The following ALKBH8 variants were observed in gnomAD, a reference collection of about 807,000 sequenced individuals.
ALKBH8 encodes the protein alkB homolog 8, tRNA methyltransferase.
In ALKBH8, 36 loss-of-function variants were observed where a neutral mutation model predicts 59.8. That is an observed-to-expected ratio of 0.60 (90% CI 0.46 to 0.79). The LOEUF (loss-of-function observed/expected upper bound fraction) is 0.79, where lower values mean the gene tolerates loss of function less well. Among genes scored for constraint, ALKBH8 ranks in the 30% least tolerant of loss-of-function variants. The pLI, the probability that ALKBH8 is intolerant of heterozygous loss-of-function variation, is 0.00. For missense variants in ALKBH8, 768 were observed against 801.0 expected, an observed-to-expected ratio of 0.96 and a Z score of 0.50; for synonymous variants, 276 against 273.6, an observed-to-expected ratio of 1.01 and a Z score of -0.09.
intron 3 of ALKBH8, among the ~76,000 whole-genome samples, chr11:107,556,252 TGG>T (rs1864705117): frequency 6.6e-6 from 1 of 151,860 alleles, no homozygotes; most frequent in African/African-American, 2.4e-5. Flanking sequence ...CACTCCAGCC[TGG>T]GCAACAAGAG....
intron 7 of ALKBH8, among the ~76,000 whole-genome samples, chr11:107,540,557 C>T (rs548474339): frequency 9.9e-5 from 15 of 152,266 alleles, no homozygotes; most frequent in Non-Finnish European, 2.1e-4. Context: ...ACTTTAGCCA[C>T]CATTGCACAT....
intron 10 of ALKBH8, among the ~76,000 whole-genome samples, chr11:107,511,595 A>G (rs1266009346): frequency 1.3e-5 from 2 of 151,890 alleles, no homozygotes; most frequent in Non-Finnish European, 2.9e-5. Context: ...TTTTTTTTTG[A>G]GATGGAGTTT....
chr11:107,532,212 A>C, intron 8 of ALKBH8, 88 bp downstream of exon 8: 1 of 1,052,274 alleles, frequency 9.5e-7, no homozygotes, highest in Non-Finnish European at 1.4e-6. Context: ...CTCAATCTGC[A>C]GGCACAGGGC....
chr11:107,548,064 T>C (rs1864341742), intron 7 of ALKBH8, among the ~76,000 whole-genome samples: 1 of 152,224 alleles, frequency 6.6e-6, no homozygotes, highest in Non-Finnish European at 1.5e-5. Flanking sequence ...CCTAGTTTTT[T>C]TCCACCCCTT....
At chr11:107,544,994 C>T (rs1387409859) in intron 7 of ALKBH8, among the ~76,000 whole-genome samples, 3 of 152,028 alleles carry the variant, frequency 2.0e-5, no homozygotes, top group African/African-American at 4.8e-5. Context: ...AGCTACACAG[C>T]AGAGACAATC....
At chr11:107,551,110 G>A (rs1027674855) in intron 6 of ALKBH8, among the ~76,000 whole-genome samples, 5 of 152,148 alleles carry the variant, frequency 3.3e-5, no homozygotes, top group Admixed American at 6.5e-5. Flanking sequence ...TTATCAAATA[G>A]AAAGAAGAGA....
chr11:107,563,427 A>T (rs1299105783), intron 1 of ALKBH8: 1 of 152,188 alleles, frequency 6.6e-6, no homozygotes, highest in Admixed American at 6.5e-5. Flanking sequence ...ATAATCCTAG[A>T]TGAGTTGGTT....
chr11:107,548,399 T>C (rs1864353619), intron 7 of ALKBH8, among the ~76,000 whole-genome samples: 1 of 152,258 alleles, frequency 6.6e-6, no homozygotes, highest in Non-Finnish European at 1.5e-5. Flanking sequence ...GTTAACACTC[T>C]GATCTCGAAT....
Position 107,504,500 on chromosome 11 carries a change from G to T in ALKBH8, c.*158C>A. On this transcript the variant is annotated 3_prime_UTR_variant, in exon 12 of 12. Coordinates refer to ENST00000428149, the MANE Select transcript of ALKBH8 (RefSeq NM_138775.3). Reference sequence around the variant, plus strand: ...TGATGTCAGCCAACAGGAGACATTTGAATGTCTCCTAATGAATCCCTACTT... The same window carrying T: ...TGATGTCAGCCAACAGGAGACATTTTAATGTCTCCTAATGAATCCCTACTT... 1.2e-6 allele frequency: 1 copy of T among 851,926 alleles called. No homozygotes were observed. Among genetic ancestry groups the T allele is most frequent in the Non-Finnish European group, 1.9e-6 (1 of 522,470 alleles). The allele number at this position is 851,926 out of a possible 1,614,324, so 52.8% of individuals were successfully genotyped here.
chr11:107,561,919 C>T (rs1216450066), intron 1 of ALKBH8, among the ~76,000 whole-genome samples: 2 of 152,164 alleles, frequency 1.3e-5, no homozygotes, highest in Non-Finnish European at 2.9e-5. Flanking sequence ...TTGTGGAAAA[C>T]AAACACTAAA....
intron 1 of ALKBH8, among the ~76,000 whole-genome samples, chr11:107,562,063 CA>C: frequency 6.6e-6 from 1 of 152,102 alleles, no homozygotes; most frequent in African/African-American, 2.4e-5. Context: ...TTTAGGAGGC[CA>C]AGGCAGGCAG....
In ALKBH8 at chr11:107,551,877, AT is replaced by A; in HGVS notation, c.630del (p.Lys210AsnfsTer3). The A allele has an allele frequency of 6.5e-7, 1 of 1,547,964 alleles. No homozygotes were observed. Among genetic ancestry groups the A allele is most frequent in the South Asian group, 1.3e-5 (1 of 79,490 alleles). On this transcript the variant is annotated frameshift_variant, in exon 6 of 12. Coordinates refer to ENST00000428149, the MANE Select transcript of ALKBH8 (RefSeq NM_138775.3). LOFTEE classifies it high-confidence loss of function. ...LPDICESFLEKWLRKGYIKHK... is the reference protein window; with the variant it reads ...LPDICESFLEXWLRKGYIKHK... ...TGTTTAATGTAACCTTTCCTCAACC[AT>A]TTCTCCAAAAAGCTTTCACAAATGT...
chr11:107,544,920 G>A (rs1049139931), intron 7 of ALKBH8, among the ~76,000 whole-genome samples: 4 of 149,486 alleles, frequency 2.7e-5, no homozygotes, highest in Non-Finnish European at 5.9e-5. Context: ...AATGCTAAAG[G>A]CACTACAGAG....
chr11:107,536,812 G>A (rs911791851), intron 7 of ALKBH8, among the ~76,000 whole-genome samples: 1 of 152,150 alleles, frequency 6.6e-6, no homozygotes, highest in African/African-American at 2.4e-5. Context: ...AGAGGTGCCT[G>A]AAGAGGACGT....
At chr11:107,509,066 A>G (rs958302996) in intron 11 of ALKBH8, among the ~76,000 whole-genome samples, 2 of 152,188 alleles carry the variant, frequency 1.3e-5, no homozygotes, top group Admixed American at 6.5e-5. Context: ...TCTATGTTCA[A>G]CTTTTTGAGG....
intron 7 of ALKBH8, among the ~76,000 whole-genome samples, chr11:107,538,275 T>A (rs1367516416): frequency 1.3e-5 from 2 of 152,156 alleles, no homozygotes; most frequent in Non-Finnish European, 2.9e-5. Context: ...AGACTTCCTA[T>A]GAAAATTACA....
intron 7 of ALKBH8, among the ~76,000 whole-genome samples, chr11:107,547,477 T>A (rs188359431): frequency 5.3e-5 from 8 of 152,336 alleles, no homozygotes; most frequent in Non-Finnish European, 4.4e-5. Flanking sequence ...TTTACACGCA[T>A]GGATTACTCT....
chr11:107,534,659 T>C (rs1398119216), intron 7 of ALKBH8, among the ~76,000 whole-genome samples: 1 of 152,178 alleles, frequency 6.6e-6, no homozygotes, highest in African/African-American at 2.4e-5. Context: ...TTGAAACACC[T>C]GTCCTGGCAT....
intron 9 of ALKBH8, among the ~76,000 whole-genome samples, chr11:107,524,526 AT>A (rs1201910187): frequency 1.3e-5 from 2 of 152,246 alleles, no homozygotes; most frequent in African/African-American, 4.8e-5. Flanking sequence ...TTATTTTTCT[AT>A]ACCATGTAAC....
Sources: allele counts gnomAD v4.1 joint callset (sites outside exome capture counted in the v4.1 genomes callset), GRCh38; gene constraint gnomAD v4.1.1; transcripts MANE v1.5; gene names NCBI Gene and HGNC (gene_info 2026-07-23, HGNC 2026-07-21).